NDE1: variants seen among roughly 807,000 people sequenced by gnomAD.
NDE1 encodes the protein nudE neurodevelopment protein 1.
Under a neutral mutation model 43.4 loss-of-function variants are expected in NDE1, and 28 were observed. The observed-to-expected ratio is 0.65, with a 90% CI of 0.48 to 0.89. NDE1 has a LOEUF of 0.89. Ranked by LOEUF, NDE1 falls within the 40% of genes least tolerant of loss-of-function variation. NDE1 has a pLI of 0.00. For missense variants in NDE1, 441 were observed against 434.1 expected, an observed-to-expected ratio of 1.02 and a Z score of -0.14; for synonymous variants, 184 against 172.0, an observed-to-expected ratio of 1.07 and a Z score of -0.55.
chr16:15,709,672 C>T (rs1386029472), intron 8 of NDE1, among the ~76,000 whole-genome samples: 2 of 152,140 alleles, frequency 1.3e-5, no homozygotes, highest in African/African-American at 2.4e-5. Context: ...TAAGAACCTC[C>T]TATAAATCCC....
chr16:15,657,487 A>G (rs1254879842), intron 1 of NDE1, among the ~76,000 whole-genome samples: 2 of 152,178 alleles, frequency 1.3e-5, no homozygotes, highest in African/African-American at 2.4e-5. Flanking sequence ...ATGAGTACAT[A>G]TTACATGAGA....
chr16:15,721,998 C>T (rs1332175204), intron 8 of NDE1, among the ~76,000 whole-genome samples: 2 of 152,166 alleles, frequency 1.3e-5, no homozygotes, highest in Non-Finnish European at 2.9e-5. Flanking sequence ...GTTGGGATTA[C>T]AGGTGCCCAC....
chr16:15,687,457 G>A lies in NDE1; in HGVS notation c.469G>A (p.Asp157Asn). 1.2e-6 allele frequency: 2 copies of A among 1,614,180 alleles called. No individual in the cohort carries two copies. The highest frequency in any genetic ancestry group is 8.5e-7 in the Non-Finnish European group (1 of 1,180,024). The change falls in exon 5 of 9, where the codon GAT becomes AAT. Residue 157 changes from aspartate (D) to asparagine (N), a missense_variant. Coordinates refer to ENST00000396354, the MANE Select transcript of NDE1 (RefSeq NM_017668.3). ...AAATGCCTTCCTGGAAAGTGAACTT[G>A]ATGAAAAAGAGAATCTCCTGGAATC... Reference protein sequence around the residue: ...ERNAFLESELDEKENLLESVQ... With the variant: ...ERNAFLESELNEKENLLESVQ...
At position 15,719,018 on chromosome 16, in the gene NDE1, C is replaced by G. The variant is rs2040321953; in HGVS notation, c.948-5173C>G. On this transcript the variant is annotated intron_variant, in intron 8 of 8. Coordinates refer to ENST00000396354, the MANE Select transcript of NDE1 (RefSeq NM_017668.3). ...TGGTACACACCTGTAGTCTCAGCTACTCAGAAGGCTGAGGCAGGAGAATTG... is the reference window on the plus strand; with the variant it reads ...TGGTACACACCTGTAGTCTCAGCTAGTCAGAAGGCTGAGGCAGGAGAATTG... 7.9e-6 allele frequency: 5 copies of G among 629,520 alleles called. No homozygotes were observed. The Admixed American group carries it at 9.0e-5, about 11-fold the overall frequency. The allele number at this position is 629,520 out of a possible 1,614,324, so 39.0% of individuals were successfully genotyped here.
At chr16:15,709,046 G>A (rs897344317) in intron 8 of NDE1, among the ~76,000 whole-genome samples, 6 of 152,058 alleles carry the variant, frequency 3.9e-5, no homozygotes, top group African/African-American at 1.2e-4. Flanking sequence ...GGATTCAAGT[G>A]ATCCCCTTGT....
chr16:15,719,926 G>A (rs1173232790), intron 8 of NDE1, among the ~76,000 whole-genome samples: 3 of 152,160 alleles, frequency 2.0e-5, no homozygotes, highest in African/African-American at 7.2e-5. Flanking sequence ...GAGAAGCTGA[G>A]CCCCTGATGT....
At chr16:15,694,359 T>A in intron 7 of NDE1, 103 bp downstream of exon 7, 1 of 1,546,362 alleles carries the variant, frequency 6.5e-7, no homozygotes, top group Non-Finnish European at 8.7e-7. Context: ...TTTTCTTTTT[T>A]TTTAGAGACA....
chr16:15,695,746 T>C, intron 7 of NDE1: 1 of 975,072 alleles, frequency 1.0e-6, no homozygotes, highest in South Asian at 4.8e-5. Context: ...TTACTTCTGG[T>C]TTTTGGCTGT....
At chr16:15,703,907 G>GA in intron 8 of NDE1, 1 of 1,586,838 alleles carries the variant, frequency 6.3e-7, no homozygotes, top group Non-Finnish European at 8.6e-7. Context: ...GTTTTGCTTT[G>GA]TTCTGGGTTG....
At chr16:15,679,025 C>G (rs1258498299) in intron 4 of NDE1, among the ~76,000 whole-genome samples, 1 of 151,898 alleles carries the variant, frequency 6.6e-6, no homozygotes, top group Admixed American at 6.6e-5. Context: ...TGTAGTGAGC[C>G]GAGATTGCGC....
rs2040186371 is a variant in NDE1, at chr16:15,716,989, C to G, written c.948-7202C>G. On this transcript the variant is annotated intron_variant, in intron 8 of 8. Coordinates refer to ENST00000396354, the MANE Select transcript of NDE1 (RefSeq NM_017668.3). ...CAGGGCACTTTGCTGTGTTTACGTT[C>G]AGTTCTCACAACATACCTGCACTGT... The G allele has an allele frequency of 5.5e-6, 5 of 909,544 alleles. No homozygotes were observed. The South Asian group carries it at 6.6e-5, about 12-fold the overall frequency. 56.3% of individuals were successfully genotyped at this position (909,544 alleles called of 1,614,324 possible). A position where few individuals can be genotyped will look rare whatever the true frequency, so the allele number is the denominator to read the frequency against.
intron 1 of NDE1, among the ~76,000 whole-genome samples, chr16:15,653,071 C>G (rs2036582965): frequency 6.6e-6 from 1 of 152,182 alleles, no homozygotes; most frequent in Admixed American, 6.6e-5. Flanking sequence ...GCTTTACCCC[C>G]ATTCTGGTGC....
intron 8 of NDE1, chr16:15,703,509 G>T: frequency 3.4e-6 from 1 of 291,002 alleles, no homozygotes; most frequent in South Asian, 7.1e-5. Context: ...TGGAGGATGT[G>T]TCTGTGTTTC....
intron 5 of NDE1, among the ~76,000 whole-genome samples, chr16:15,689,990 A>G (rs541275840): frequency 1.3e-5 from 2 of 151,662 alleles, no homozygotes; most frequent in South Asian, 4.2e-4. Context: ...AAGCTCTCCC[A>G]CATGTTATGG....
intron 4 of NDE1, chr16:15,686,546 C>A: frequency 1.0e-6 from 1 of 985,190 alleles, no homozygotes; most frequent in Non-Finnish European, 1.2e-6. Context: ...GGCACAATGC[C>A]TCATGCCTGT....
intron 8 of NDE1, chr16:15,719,736 C>A (rs990542219): frequency 1.9e-6 from 3 of 1,613,842 alleles, no homozygotes; most frequent in Non-Finnish European, 2.5e-6. Context: ...ACAGGGAGGA[C>A]AAGCTCAGAT....
intron 4 of NDE1, among the ~76,000 whole-genome samples, chr16:15,679,776 T>TTTTTTG (rs978781325): frequency 2.7e-5 from 4 of 146,256 alleles, no homozygotes; most frequent in Non-Finnish European, 2.9e-5. Flanking sequence ...CTATTAGTTG[T>TTTTTTG]TTTTTGTTTT....
Position 15,724,732 on chromosome 16 carries a change from T to A in NDE1, c.*481T>A, listed in dbSNP as rs886051746. On this transcript the variant is annotated 3_prime_UTR_variant, in exon 9 of 9. Transcript: ENST00000396354. ...CAGCTGGTCTTGCAGGCTGTTCCGC[T>A]CCTCCTCCAGCTGGCGCAGCTTCGT... 1 of 1,614,016 alleles carries A rather than the reference T, an allele frequency of 6.2e-7. No homozygotes were observed. Among genetic ancestry groups the A allele is most frequent in the African/African-American group, 1.3e-5 (1 of 74,914 alleles).
intron 3 of NDE1, among the ~76,000 whole-genome samples, chr16:15,673,215 G>A (rs1364556069): frequency 6.6e-6 from 1 of 151,894 alleles, no homozygotes; most frequent in African/African-American, 2.4e-5. Flanking sequence ...TTGTGTTTTC[G>A]GTTTTGATTT....
Sources: gnomAD v4.1 joint callset for allele counts (sites outside exome capture counted in the v4.1 genomes callset) on GRCh38, gnomAD v4.1.1 for gene constraint, MANE v1.5 for transcripts, NCBI Gene and HGNC (gene_info 2026-07-23, HGNC 2026-07-21) for gene names.